The following ROBO1 variants were observed in gnomAD, a reference collection of about 807,000 sequenced individuals.
ROBO1 encodes roundabout homolog 1.
In ROBO1, 149 loss-of-function variants were observed where a neutral mutation model predicts 195.9. The ratio of observed to expected loss-of-function variants is 0.76; its 90% CI spans 0.67 to 0.87. ROBO1 has a LOEUF of 0.87. ROBO1 is among the 40% of genes least tolerant of loss of function. The pLI, the probability that ROBO1 is intolerant of heterozygous loss-of-function variation, is 0.00. For synonymous variants in ROBO1, 816 were observed against 733.2 expected, an observed-to-expected ratio of 1.11 and a Z score of -1.82; for missense variants, 1,933 against 2,068.3, an observed-to-expected ratio of 0.93 and a Z score of 1.27.
At chr3:79,095,427 T>C (rs1366203831) in intron 3 of ROBO1, among the ~76,000 whole-genome samples, 2 of 151,962 alleles carry the variant, frequency 1.3e-5, no homozygotes, top group Admixed American at 1.3e-4. Flanking sequence ...CCTATGGAGA[T>C]TTCCATGTTT....
chr3:79,594,457 T>C (rs1204183894), intron 1 of ROBO1, among the ~76,000 whole-genome samples: 1 of 152,046 alleles, frequency 6.6e-6, no homozygotes, highest in Non-Finnish European at 1.5e-5. Context: ...ATTTACAGCA[T>C]ACCTTTTTGA....
In ROBO1 at chr3:78,997,967, T is replaced by C. The variant is rs2077408276; in HGVS notation, c.173-59040A>G. Among the ~76,000 whole-genome samples the C allele has an allele frequency of 2.6e-5, 4 of 152,200 alleles. No individual in the cohort carries two copies. In the South Asian group the frequency reaches 8.3e-4, roughly 31 times the overall value. Reference sequence around the variant, plus strand: ...TGTAAACATGAATGAATTTCTGTTTTAGTATATGTTGGACCAGACTTCATT... The same window carrying C: ...TGTAAACATGAATGAATTTCTGTTTCAGTATATGTTGGACCAGACTTCATT... On this transcript the variant is annotated intron_variant, in intron 3 of 30. Coordinates refer to ENST00000464233, the MANE Select transcript of ROBO1 (RefSeq NM_002941.4).
intron 4 of ROBO1, among the ~76,000 whole-genome samples, chr3:78,908,626 T>C (rs961141114): frequency 2.0e-5 from 3 of 151,896 alleles, no homozygotes; most frequent in Non-Finnish European, 1.5e-5. Context: ...TTTGGAGAAA[T>C]AGACACTATT....
At chr3:79,584,774 A>T (rs1340204629) in intron 2 of ROBO1, among the ~76,000 whole-genome samples, 1 of 151,106 alleles carries the variant, frequency 6.6e-6, no homozygotes, top group Non-Finnish European at 1.5e-5. Flanking sequence ...CAAGCAGAAG[A>T]TCTCTTTCAT....
At chr3:78,915,898 T>C (rs1378915452) in intron 4 of ROBO1, among the ~76,000 whole-genome samples, 2 of 152,122 alleles carry the variant, frequency 1.3e-5, no homozygotes, top group South Asian at 2.1e-4. Flanking sequence ...GTTCAAGTCA[T>C]CCTCCTGCCT....
At chr3:78,645,712 G>T (rs894802503) in intron 21 of ROBO1, among the ~76,000 whole-genome samples, 2 of 152,044 alleles carry the variant, frequency 1.3e-5, no homozygotes, top group Non-Finnish European at 2.9e-5. Flanking sequence ...ATGGGGAAGT[G>T]AACTATGTTG....
chr3:79,214,256 C>A (rs958802969), intron 2 of ROBO1, among the ~76,000 whole-genome samples: 2 of 151,962 alleles, frequency 1.3e-5, no homozygotes, highest in Non-Finnish European at 2.9e-5. Flanking sequence ...CAGTAATAAA[C>A]AGCAAACAGT....
chr3:79,670,348 T>C (rs1946596555), intron 1 of ROBO1, among the ~76,000 whole-genome samples: 1 of 151,882 alleles, frequency 6.6e-6, no homozygotes, highest in South Asian at 2.1e-4. Flanking sequence ...AAGGGAATTA[T>C]GGTTAATGGT....
chr3:79,053,143 C>T (rs1043030352), intron 3 of ROBO1, among the ~76,000 whole-genome samples: 5 of 151,940 alleles, frequency 3.3e-5, no homozygotes, highest in African/African-American at 7.3e-5. Flanking sequence ...GGTGATTGGG[C>T]CTTGATACGT....
intron 2 of ROBO1, among the ~76,000 whole-genome samples, chr3:79,192,322 G>A (rs902008384): frequency 6.6e-6 from 1 of 151,660 alleles, no homozygotes; most frequent in Non-Finnish European, 1.5e-5. Flanking sequence ...ACTATGCTAA[G>A]TATTGCTATA....
chr3:79,260,495 G>A (rs1208094260), intron 2 of ROBO1, among the ~76,000 whole-genome samples: 2 of 152,204 alleles, frequency 1.3e-5, no homozygotes, highest in East Asian at 1.9e-4. Flanking sequence ...GAATTCAAAT[G>A]TTCCTTACAG....
chr3:79,351,573 T>G (rs2035343324), intron 2 of ROBO1, among the ~76,000 whole-genome samples: 1 of 152,194 alleles, frequency 6.6e-6, no homozygotes, highest in Non-Finnish European at 1.5e-5. Context: ...TTTATGTTCC[T>G]AATTATTTTA....
intron 8 of ROBO1, among the ~76,000 whole-genome samples, chr3:78,711,269 T>TCCTTTCTTTCTTTC (rs1404639107): frequency 1.3e-5 from 2 of 151,944 alleles, no homozygotes; most frequent in Non-Finnish European, 2.9e-5. Flanking sequence ...CTCTCTTTCT[T>TCCTTTCTTTCTTTC]CCTTTCTTTC....
chr3:79,586,554 C>A (rs929709723), intron 2 of ROBO1, among the ~76,000 whole-genome samples: 9 of 151,850 alleles, frequency 5.9e-5, no homozygotes, highest in African/African-American at 2.2e-4. Flanking sequence ...TTAAAGTGTT[C>A]TGTCTGATTT....
At chr3:79,095,040 T>A (rs535082836) in intron 3 of ROBO1, among the ~76,000 whole-genome samples, 1 of 151,802 alleles carries the variant, frequency 6.6e-6, no homozygotes, top group Non-Finnish European at 1.5e-5. Context: ...AGGTATTCAA[T>A]GGAGAATGAT....
chr3:79,644,393 C>A (rs1287513033), intron 1 of ROBO1, among the ~76,000 whole-genome samples: 1 of 151,950 alleles, frequency 6.6e-6, no homozygotes, highest in Non-Finnish European at 1.5e-5. Context: ...TGAGACTGGG[C>A]AAGTTAAAAA....
At chr3:79,351,772 T>G (rs1321555086) in intron 2 of ROBO1, among the ~76,000 whole-genome samples, 1 of 152,190 alleles carries the variant, frequency 6.6e-6, no homozygotes, top group East Asian at 1.9e-4. Context: ...TGAAAAGATC[T>G]GATTTTCTTG....
intron 3 of ROBO1, among the ~76,000 whole-genome samples, chr3:78,962,548 G>C (rs531279389): frequency 6.6e-6 from 1 of 151,970 alleles, no homozygotes; most frequent in Non-Finnish European, 1.5e-5. Flanking sequence ...CTTTTCGGCC[G>C]GGCGCGGTGG....
intron 1 of ROBO1, among the ~76,000 whole-genome samples, chr3:79,644,235 G>T (rs1425470408): frequency 6.6e-6 from 1 of 152,052 alleles, no homozygotes; most frequent in African/African-American, 2.4e-5. Context: ...TAAAGGAAAA[G>T]GTAGACTACA....
Sources: allele counts gnomAD v4.1 joint callset (sites outside exome capture counted in the v4.1 genomes callset), GRCh38; gene constraint gnomAD v4.1.1; transcripts MANE v1.5; gene names NCBI Gene and HGNC (gene_info 2026-07-23, HGNC 2026-07-21).